Variants in MMP16 observed in about 807,000 individuals in gnomAD.
The protein encoded by MMP16 is matrix metalloproteinase-16.
A neutral mutation model predicts 67.8 loss-of-function variants in MMP16; 12 were observed. The observed-to-expected ratio is 0.18, with a 90% CI of 0.11 to 0.29. MMP16 has a LOEUF of 0.29. Among genes scored for constraint, MMP16 ranks in the 10% least tolerant of loss-of-function variants. The pLI, the probability that MMP16 is intolerant of heterozygous loss-of-function variation, is 1.00. For synonymous variants in MMP16, 249 were observed against 255.9 expected (o/e 0.97, Z 0.26); for missense variants, 475 against 765.7 (o/e 0.62, Z 4.48).
intron 1 of MMP16, among the ~76,000 whole-genome samples, chr8:88,297,650 T>C (rs1811033779): frequency 6.6e-6 from 1 of 152,206 alleles, no homozygotes; most frequent in African/African-American, 2.4e-5. Context: ...CTCTAAGTAC[T>C]GTGCAGTAGT....
intron 4 of MMP16, among the ~76,000 whole-genome samples, chr8:88,162,664 G>C (rs1024750858): frequency 1.3e-4 from 20 of 151,996 alleles, no homozygotes; most frequent in African/African-American, 2.4e-5. Context: ...GGGCCTGGTG[G>C]AAGGTGACTG....
At chr8:88,166,688 C>CATATATATATATATATATATAT (rs1166566212) in intron 4 of MMP16, among the ~76,000 whole-genome samples, 1 of 58,392 alleles carries the variant, frequency 1.7e-5, no homozygotes, top group Non-Finnish European at 3.5e-5. Flanking sequence ...CAAAAAATTA[C>CATATATATATATATATATATAT]ATATATATAT....
chr8:88,166,296 A>G (rs965802456), intron 4 of MMP16, among the ~76,000 whole-genome samples: 1 of 152,094 alleles, frequency 6.6e-6, no homozygotes, highest in African/African-American at 2.4e-5. Flanking sequence ...ATAACATTCT[A>G]CAATCAGAAG....
rs566316031 is a variant in MMP16, at chr8:88,319,481, A to G, written c.132+7594T>C. On this transcript the variant is annotated intron_variant, in intron 1 of 9. Transcript: ENST00000286614. ...GTAGAGCGTGAGAAAAGGAACTGCA[A>G]CTGTTGAGAGTAAAGAAGGAATGAA... Among the ~76,000 whole-genome samples, 6 of 152,204 alleles carry G rather than the reference A, an allele frequency of 3.9e-5. No homozygotes were observed. The East Asian group carries it at 1.2e-3, about 29-fold the overall frequency.
intron 1 of MMP16, among the ~76,000 whole-genome samples, chr8:88,300,938 C>G (rs1811088271): frequency 6.6e-6 from 1 of 151,932 alleles, no homozygotes; most frequent in Non-Finnish European, 1.5e-5. Context: ...ATGGAAAAAA[C>G]AAGAATAGGA....
chr8:88,085,577 T>G (rs1422269868), intron 6 of MMP16, among the ~76,000 whole-genome samples: 1 of 151,996 alleles, frequency 6.6e-6, no homozygotes, highest in Admixed American at 6.6e-5. Flanking sequence ...AAATGTAGAC[T>G]TTATTATAGT....
At chr8:88,092,448 T>A (rs1808954292) in intron 6 of MMP16, among the ~76,000 whole-genome samples, 1 of 151,852 alleles carries the variant, frequency 6.6e-6, no homozygotes, top group South Asian at 2.1e-4. Context: ...CACATTACCC[T>A]GTTTAATTTT....
At chr8:88,055,064 T>A (rs1808314381) in intron 8 of MMP16, among the ~76,000 whole-genome samples, 1 of 152,072 alleles carries the variant, frequency 6.6e-6, no homozygotes, top group Admixed American at 6.6e-5. Context: ...TTAATTAAAA[T>A]TTGATTTTTT....
chr8:88,319,207 A>G (rs143131619), intron 1 of MMP16, among the ~76,000 whole-genome samples: 1 of 152,166 alleles, frequency 6.6e-6, no homozygotes, highest in African/African-American at 2.4e-5. Context: ...GAATACCCAA[A>G]CCTCCAAAAA....
At chr8:88,154,457 G>A (rs1474686264) in intron 4 of MMP16, among the ~76,000 whole-genome samples, 5 of 145,236 alleles carry the variant, frequency 3.4e-5, no homozygotes, top group Non-Finnish European at 6.1e-5. Context: ...GCAAAGACTT[G>A]GAACCAACCC....
At chr8:88,205,745 T>C (rs1342633234) in intron 1 of MMP16, among the ~76,000 whole-genome samples, 1 of 152,182 alleles carries the variant, frequency 6.6e-6, no homozygotes, top group Non-Finnish European at 1.5e-5. Flanking sequence ...CAACCTTGGT[T>C]ATCTTCTCTA....
intron 6 of MMP16, among the ~76,000 whole-genome samples, chr8:88,104,290 A>G (rs1268035260): frequency 3.3e-5 from 5 of 151,754 alleles, no homozygotes; most frequent in Non-Finnish European, 7.4e-5. Flanking sequence ...CTAATATTTT[A>G]ATATTTTGTT....
intron 6 of MMP16, among the ~76,000 whole-genome samples, chr8:88,097,625 C>CAAAAAAAAAAAAAAAAAAAAAAAA (rs34488162): frequency 1.5e-5 from 1 of 67,496 alleles, no homozygotes; most frequent in Admixed American, 2.0e-4. Flanking sequence ...AACCCTGTCT[C>CAAAAAAAAAAAAAAAAAAAAAAAA]AAAAAAAAAA....
chr8:88,165,086 T>C (rs1157989964), intron 4 of MMP16, among the ~76,000 whole-genome samples: 3 of 149,482 alleles, frequency 2.0e-5, no homozygotes, highest in South Asian at 2.1e-4. Context: ...GGTAATACTG[T>C]AATTCCAGCA....
At chr8:88,076,534 G>A (rs1808654633) in intron 6 of MMP16, among the ~76,000 whole-genome samples, 2 of 151,860 alleles carry the variant, frequency 1.3e-5, no homozygotes, top group Admixed American at 1.3e-4. Flanking sequence ...TAGGTGGCCT[G>A]GATTAATAAT....
intron 7 of MMP16, chr8:88,069,262 T>C (rs1227160023): frequency 3.0e-6 from 1 of 334,546 alleles, no homozygotes; most frequent in East Asian, 9.3e-5. Context: ...GTTTTCAATG[T>C]AGAGGTCATG....
chr8:88,167,598 A>C (rs1249016528), intron 4 of MMP16, 71 bp downstream of exon 4: 1 of 1,419,944 alleles, frequency 7.0e-7, no homozygotes, highest in Non-Finnish European at 9.5e-7. Flanking sequence ...AAGTTTGTAA[A>C]TTGTTAAATC....
intron 6 of MMP16, among the ~76,000 whole-genome samples, chr8:88,087,942 C>A (rs952952761): frequency 6.9e-6 from 1 of 145,124 alleles, no homozygotes; most frequent in Non-Finnish European, 1.5e-5. Flanking sequence ...GAGGTCCTGT[C>A]TCCAAAAAAA....
chr8:88,099,776 T>A (rs1809103120), intron 6 of MMP16, among the ~76,000 whole-genome samples: 1 of 151,962 alleles, frequency 6.6e-6, no homozygotes, highest in Admixed American at 6.6e-5. Context: ...CCGATTTTAA[T>A]GACCATGTTT....
Sources: gnomAD v4.1 joint callset for allele counts (sites outside exome capture counted in the v4.1 genomes callset) on GRCh38, gnomAD v4.1.1 for gene constraint, MANE v1.5 for transcripts, NCBI Gene and HGNC (gene_info 2026-07-23, HGNC 2026-07-21) for gene names.